NRAP: variants seen among roughly 807,000 people sequenced by gnomAD.
The protein encoded by NRAP is nebulin related anchoring protein, also known as nebulin-related-anchoring protein.
A neutral mutation model predicts 225.9 loss-of-function variants in NRAP; 189 were observed. The observed-to-expected ratio is 0.84, with a 90% CI of 0.74 to 0.94. The LOEUF (loss-of-function observed/expected upper bound fraction) is 0.94, where lower values mean the gene tolerates loss of function less well. Ranked by LOEUF, NRAP falls within the 40% of genes least tolerant of loss-of-function variation. The probability of loss-of-function intolerance (pLI) is 0.00; values close to 1 mark genes in which losing one functional copy is unlikely to be tolerated. For missense variants in NRAP, 2,176 were observed against 2,168.7 expected (o/e 1.00, Z -0.07); for synonymous variants, 769 against 790.7 (o/e 0.97, Z 0.46).
chr10:113,644,287 C>T (rs907687336), intron 11 of NRAP, among the ~76,000 whole-genome samples: 4 of 151,782 alleles, frequency 2.6e-5, no homozygotes, highest in East Asian at 1.9e-4. Context: ...CTTTTCCAGG[C>T]GTATGACAAA....
rs746844785 is a variant in NRAP, at chr10:113,628,919, C to G, written c.2143G>C (p.Glu715Gln). 3 of 1,596,096 alleles carry G rather than the reference C, an allele frequency of 1.9e-6. No homozygotes were observed. The highest frequency in any genetic ancestry group is 1.1e-5 in the South Asian group (1 of 88,502). ...CCAGAGGCCCCAGTGCAGGTTACCTCGCTGACCAGCTGTCCAGCCTTCTTG... is the reference window on the plus strand; with the variant it reads ...CCAGAGGCCCCAGTGCAGGTTACCTGGCTGACCAGCTGTCCAGCCTTCTTG... ...QAKKAGQLVS[E>Q]KNYRQRVDEL... is the part of the protein sequence containing the mutation. The change falls in exon 20 of 42, where the codon GAG (glutamate) becomes CAG (glutamine). Residue 715 changes from glutamate (E) to glutamine (Q), a missense_variant and splice_region_variant. Glu to Gln is a conservative substitution (Grantham distance 29). Transcript: ENST00000359988.
In NRAP at chr10:113,629,629, T is replaced by C. The variant is rs1848472628; in HGVS notation, c.1999A>G (p.Lys667Glu). Reference protein sequence around the residue: ...HEYTVLPEDMKTQWAKKAYGL... With the variant: ...HEYTVLPEDMETQWAKKAYGL... ...TAGGCCTTCTTGGCCCACTGAGTCT[T>C]CATATCTTCAGGCAGCACAGTGTAT... The change falls in exon 19 of 42, where the codon AAG (lysine) becomes GAG (glutamate). Residue 667 changes from lysine to glutamate, a missense_variant. Transcript: ENST00000359988. 1 of 1,614,060 alleles carries C rather than the reference T, an allele frequency of 6.2e-7. No homozygotes were observed. The highest frequency in any genetic ancestry group is 1.1e-5 in the South Asian group (1 of 91,082).
intron 25 of NRAP, among the ~76,000 whole-genome samples, chr10:113,618,221 TTTAAA>T (rs1847783227): frequency 6.6e-6 from 1 of 152,044 alleles, no homozygotes; most frequent in Non-Finnish European, 1.5e-5. Flanking sequence ...TGAAAATCTG[TTTAAA>T]TTAATTTCTT....
chr10:113,639,619 C>T (rs998399512), intron 14 of NRAP, among the ~76,000 whole-genome samples: 1 of 152,170 alleles, frequency 6.6e-6, no homozygotes, highest in Non-Finnish European at 1.5e-5. Context: ...TTTCTTTGCA[C>T]TTTTCCGTAT....
chr10:113,591,128 C>A (rs529910379), intron 39 of NRAP, among the ~76,000 whole-genome samples: 7 of 152,190 alleles, frequency 4.6e-5, no homozygotes, highest in African/African-American at 1.7e-4. Flanking sequence ...TAGGAGGTTG[C>A]GAGGATTCAA....
intron 25 of NRAP, among the ~76,000 whole-genome samples, chr10:113,618,831 A>C (rs2133968770): frequency 6.6e-6 from 1 of 152,300 alleles, no homozygotes; most frequent in Non-Finnish European, 1.5e-5. Flanking sequence ...CTGTCATCTC[A>C]GCTACTCAAG....
At chr10:113,613,703 G>A (rs561188952) in intron 29 of NRAP, among the ~76,000 whole-genome samples, 17 of 152,272 alleles carry the variant, frequency 1.1e-4, no homozygotes, top group East Asian at 5.8e-4. Flanking sequence ...GAAGAGGAGG[G>A]TGGCTGCCTG....
chr10:113,610,393 G>T, intron 31 of NRAP, 66 bp downstream of exon 31: 89 of 605,276 alleles, frequency 1.5e-4, no homozygotes, highest in Middle Eastern at 8.1e-4. Context: ...AAAAAGGAAA[G>T]AAACAAACTG....
At chr10:113,601,327 G>A (rs1846587917) in intron 35 of NRAP, among the ~76,000 whole-genome samples, 1 of 152,222 alleles carries the variant, frequency 6.6e-6, no homozygotes, top group Admixed American at 6.5e-5. Context: ...TGAAGGCTGG[G>A]GCTGCTCCCT....
chr10:113,632,357 A>G (rs571360071), intron 16 of NRAP, among the ~76,000 whole-genome samples: 139 of 152,390 alleles, frequency 9.1e-4, no homozygotes, highest in Non-Finnish European at 1.4e-3. Context: ...GAAGCATAAC[A>G]TAAGTGTGGG....
chr10:113,644,952 A>C (rs1405729579), intron 11 of NRAP, among the ~76,000 whole-genome samples: 4 of 152,196 alleles, frequency 2.6e-5, no homozygotes, highest in Non-Finnish European at 5.9e-5. Context: ...TGAAGAACAC[A>C]CTAGGGCATG....
chr10:113,643,079 C>T (rs375588198), intron 11 of NRAP, 41 bp from the exon 12 acceptor site: 64 of 970,826 alleles, frequency 6.6e-5, no homozygotes, highest in African/African-American at 5.3e-4. Flanking sequence ...GAACCAAATC[C>T]GAAGTCACTC....
In NRAP at chr10:113,645,908, C is replaced by G. The variant is rs374326993; in HGVS notation, c.1027G>C (p.Gly343Arg). ...GGAAGCGAGTGATAATGTGCAGCGC[C>G]TTTCATCTTATTGAAGTCCTGCCTG... The part of the protein sequence containing the change: ...KYRQDFNKMK[G>R]AAHYHSLPAQ... The change falls in exon 11 of 42, where the codon GGC becomes CGC. Residue 343 changes from glycine (G) to arginine (R), a missense_variant. Transcript: ENST00000359988. The G allele has an allele frequency of 6.3e-7, 1 of 1,598,438 alleles. No homozygotes were observed. The highest frequency in any genetic ancestry group is 1.3e-5 in the African/African-American group (1 of 74,412).
At chr10:113,631,735 G>T in intron 17 of NRAP, 122 bp downstream of exon 17, 1 of 897,216 alleles carries the variant, frequency 1.1e-6, no homozygotes, top group South Asian at 1.5e-5. Flanking sequence ...CACAAATCCA[G>T]AAGAAGATTA....
rs139558626 is a variant in NRAP, at chr10:113,657,559, C to T, written c.271G>A (p.Asp91Asn). ...AAAACTGATTTACACTGTTCACCAT[C>T]TTCTTGGTCATGGATCTGCTCAAGG... Reference protein sequence around the residue: ...EAISGIHDQEDGEQCKSVFHW... With the variant: ...EAISGIHDQENGEQCKSVFHW... Residue 91 changes from aspartate to asparagine, a missense_variant, in exon 4 of 42, where the codon GAT (aspartate) becomes AAT (asparagine). This residue lies in a region of NRAP where 1,708 missense variants were observed against 1,695.5 expected (regional missense o/e 1.01). Transcript: ENST00000359988. The T allele has an allele frequency of 3.9e-5, 61 of 1,583,348 alleles. No individual in the cohort carries two copies. The African/African-American group carries it at 5.2e-4, about 14-fold the overall frequency.
chr10:113,623,892 C>T (rs971939718), intron 22 of NRAP, among the ~76,000 whole-genome samples: 6 of 152,172 alleles, frequency 3.9e-5, no homozygotes, highest in Admixed American at 2.0e-4. Flanking sequence ...TAGGAGTTTT[C>T]GTGGAAGTCT....
At chr10:113,629,533 A>C (rs1305585722) in intron 19 of NRAP, 55 bp downstream of exon 19, 2 of 1,244,306 alleles carry the variant, frequency 1.6e-6, no homozygotes, top group Admixed American at 3.4e-5. Context: ...ATCACTCTGA[A>C]AGCATGTCCA....
At position 113,614,888 on chromosome 10, in the gene NRAP, T is replaced by C. The variant is rs1234291004; in HGVS notation, c.3137A>G (p.Asp1046Gly). The change falls in exon 28 of 42, where the codon GAT (aspartate) becomes GGT (glycine). Residue 1046 changes from aspartate (D) to glycine (G), a missense_variant. By Grantham distance (94) the Asp-to-Gly change is moderately conservative. This residue lies in a region of NRAP where 1,708 missense variants were observed against 1,695.5 expected (regional missense o/e 1.01). Transcript: ENST00000359988. ...LRDGGYKLRL[D>G]ALPFQAAKAS... ...CTTTGCTGCTTGGAATGGAAGGGCA[T>C]CCAACCTCAGTTTATAGCCACCATC... 6.2e-7 allele frequency: 1 copy of C among 1,613,452 alleles called. No homozygotes were observed. Among genetic ancestry groups the C allele is most frequent in the South Asian group, 1.1e-5 (1 of 91,078 alleles).
At chr10:113,640,377 T>C in intron 13 of NRAP, 46 bp from the exon 14 acceptor site, 1 of 1,148,260 alleles carries the variant, frequency 8.7e-7, no homozygotes, top group Admixed American at 2.3e-5. Context: ...CAATTTCTAC[T>C]TTCTTTTGGC....
Sources: allele counts gnomAD v4.1 joint callset (sites outside exome capture counted in the v4.1 genomes callset), GRCh38; gene constraint gnomAD v4.1.1; regional missense constraint gnomAD v4.1.1; transcripts MANE v1.5; gene names NCBI Gene and HGNC (gene_info 2026-07-23, HGNC 2026-07-21).